Variants in EEPD1 observed in about 807,000 individuals in gnomAD.
EEPD1 encodes endonuclease/exonuclease/phosphatase family domain containing 1, also known as endonuclease/exonuclease/phosphatase family domain-containing protein 1.
A neutral mutation model predicts 46.3 loss-of-function variants in EEPD1; 17 were observed. The ratio of observed to expected loss-of-function variants is 0.37; its 90% CI spans 0.25 to 0.55. EEPD1 has a LOEUF of 0.55. EEPD1 is among the 20% of genes least tolerant of loss of function. EEPD1 has a pLI of 0.83. For missense variants in EEPD1, 673 were observed against 745.6 expected (o/e 0.90, Z 1.13); for synonymous variants, 313 against 315.6 (o/e 0.99, Z 0.09).
At chr7:36,169,265 GTTTAT>G (rs989993924) in intron 2 of EEPD1, among the ~76,000 whole-genome samples, 1 of 152,024 alleles carries the variant, frequency 6.6e-6, no homozygotes, top group African/African-American at 2.4e-5. Flanking sequence ...GTAATTTTTT[GTTTAT>G]TTTATGTTAA....
chr7:36,182,539 A>C (rs1393040611), intron 2 of EEPD1, among the ~76,000 whole-genome samples: 2 of 152,238 alleles, frequency 1.3e-5, no homozygotes, highest in Admixed American at 1.3e-4. Context: ...TTTAAGTTTA[A>C]AGTTACATAA....
At chr7:36,212,851 C>A (rs565964698) in intron 2 of EEPD1, among the ~76,000 whole-genome samples, 1 of 152,190 alleles carries the variant, frequency 6.6e-6, no homozygotes, top group South Asian at 2.1e-4. Context: ...CAAAAGTATA[C>A]CTTAAGAAAG....
intron 2 of EEPD1, among the ~76,000 whole-genome samples, chr7:36,160,732 A>C (rs959733369): frequency 4.0e-5 from 6 of 150,452 alleles, no homozygotes; most frequent in Non-Finnish European, 7.4e-5. Context: ...AAGCTGTTGC[A>C]GGATTCAAGC....
chr7:36,284,521 G>T (rs122025), intron 4 of EEPD1, among the ~76,000 whole-genome samples, 165 bp from the exon 5 acceptor site: 8 of 152,112 alleles, frequency 5.3e-5, no homozygotes, highest in East Asian at 1.9e-4. Flanking sequence ...GGCTGGGGAA[G>T]GGCAAGGGAG....
intron 2 of EEPD1, among the ~76,000 whole-genome samples, chr7:36,170,728 T>A (rs1330525339): frequency 6.6e-6 from 1 of 152,200 alleles, no homozygotes; most frequent in Non-Finnish European, 1.5e-5. Context: ...TCTTAAGATT[T>A]CCAGCTAGTT....
At chr7:36,197,703 T>C (rs2115694351) in intron 2 of EEPD1, among the ~76,000 whole-genome samples, 1 of 152,226 alleles carries the variant, frequency 6.6e-6, no homozygotes, top group Non-Finnish European at 1.5e-5. Flanking sequence ...GTTAAACAGA[T>C]GCTTGAAGGC....
At chr7:36,239,863 G>A (rs757119562) in intron 3 of EEPD1, among the ~76,000 whole-genome samples, 4 of 152,220 alleles carry the variant, frequency 2.6e-5, no homozygotes, top group Admixed American at 6.5e-5. Context: ...ATGTGTAGCC[G>A]CAGGTGATAA....
intron 2 of EEPD1, among the ~76,000 whole-genome samples, chr7:36,155,654 T>C (rs1784814261): frequency 6.6e-6 from 1 of 152,226 alleles, no homozygotes; most frequent in Non-Finnish European, 1.5e-5. Flanking sequence ...AAAGGCCAAG[T>C]ATTTGCAAAC....
At chr7:36,161,897 CAAAA>C (rs10570788) in intron 2 of EEPD1, among the ~76,000 whole-genome samples, 41,503 of 127,020 alleles carry the variant, frequency 0.33, 5,921 homozygotes, top group African/African-American at 0.42. Context: ...CTGTCTCTCT[CAAAA>C]AAAAAAAAAA....
chr7:36,292,092 A>G (rs1472076495), intron 6 of EEPD1, among the ~76,000 whole-genome samples: 3 of 152,188 alleles, frequency 2.0e-5, no homozygotes, highest in Non-Finnish European at 4.4e-5. Context: ...TCTCCCTGAC[A>G]AACCTGTGAA....
chr7:36,231,068 G>A (rs542421722), intron 2 of EEPD1: 7 of 152,264 alleles, frequency 4.6e-5, no homozygotes, highest in African/African-American at 1.7e-4. Context: ...TATCCTTTAA[G>A]TGCTTTTGAA....
intron 2 of EEPD1, among the ~76,000 whole-genome samples, chr7:36,236,271 T>C (rs569284625): frequency 6.6e-6 from 1 of 152,336 alleles, no homozygotes; most frequent in Admixed American, 6.5e-5. Context: ...CGGCTCCCTC[T>C]GCTCGCAGGG....
intron 2 of EEPD1, among the ~76,000 whole-genome samples, chr7:36,238,227 TGGTTTTGGTG>T (rs890839261): frequency 6.8e-4 from 103 of 152,292 alleles, no homozygotes; most frequent in African/African-American, 2.4e-3. Flanking sequence ...GTGGCCATCT[TGGTTTTGGTG>T]GGTTTTGGTC....
intron 2 of EEPD1, among the ~76,000 whole-genome samples, chr7:36,188,802 A>G (rs980599328): frequency 2.0e-5 from 3 of 152,176 alleles, no homozygotes; most frequent in African/African-American, 7.2e-5. Context: ...AATTACAGAT[A>G]TTTATTTTTA....
chr7:36,190,285 T>A (rs1785439141), intron 2 of EEPD1, among the ~76,000 whole-genome samples: 1 of 151,550 alleles, frequency 6.6e-6, no homozygotes, highest in African/African-American at 2.4e-5. Flanking sequence ...GACAGGAGAA[T>A]CACTTGAATG....
In EEPD1 at chr7:36,265,621, G is replaced by A. The variant is rs140426076; in HGVS notation, c.931-15494G>A. Among the ~76,000 whole-genome samples, 66 of 151,800 alleles carry A rather than the reference G, an allele frequency of 4.3e-4. 1 individual carries two copies. Among genetic ancestry groups the A allele is most frequent in the Middle Eastern group, 6.8e-3 (2 of 294 alleles). ...TCTCTCTTCCATCTTCCTTTTCCTC[G>A]TCCCTACCCTTTCTGTTGCCATATC... On this transcript the variant is annotated intron_variant, in intron 3 of 7. Coordinates refer to ENST00000242108, the MANE Select transcript of EEPD1 (RefSeq NM_030636.3).
intron 6 of EEPD1, among the ~76,000 whole-genome samples, chr7:36,289,830 A>G (rs1787400521): frequency 1.3e-5 from 2 of 152,270 alleles, no homozygotes; most frequent in African/African-American, 4.8e-5. Context: ...GTAATATCCC[A>G]CTGTGCATCC....
intron 2 of EEPD1, among the ~76,000 whole-genome samples, chr7:36,167,701 A>T (rs1436241794): frequency 6.6e-6 from 1 of 151,962 alleles, no homozygotes; most frequent in Non-Finnish European, 1.5e-5. Flanking sequence ...GCCATTTAGA[A>T]CATAGTGCCC....
intron 3 of EEPD1, among the ~76,000 whole-genome samples, chr7:36,247,894 G>A (rs561289098): frequency 4.6e-4 from 70 of 152,344 alleles, no homozygotes; most frequent in Non-Finnish European, 7.9e-4. Flanking sequence ...AGTGTGACTT[G>A]TAGCAAAACA....
Sources: gnomAD v4.1 joint callset for allele counts (sites outside exome capture counted in the v4.1 genomes callset) on GRCh38, gnomAD v4.1.1 for gene constraint, MANE v1.5 for transcripts, NCBI Gene and HGNC (gene_info 2026-07-23, HGNC 2026-07-21) for gene names.